Variants in POLD3 observed in about 807,000 individuals in gnomAD.
The protein encoded by POLD3 is DNA polymerase delta subunit 3.
POLD3 carries 19 observed loss-of-function variants against 58.2 expected under a neutral mutation model. The observed-to-expected ratio is 0.33, with a 90% confidence interval of 0.23 to 0.48. POLD3 has a LOEUF of 0.48. Ranked by LOEUF, POLD3 falls within the 20% of genes least tolerant of loss-of-function variation. The probability of loss-of-function intolerance (pLI) is 0.99; values close to 1 mark genes in which losing one functional copy is unlikely to be tolerated. For missense variants in POLD3, 504 were observed against 545.5 expected (o/e 0.92, Z 0.76); for synonymous variants, 172 against 193.5 (o/e 0.89, Z 0.92).
At chr11:74,612,198 G>T (rs1012737958) in intron 4 of POLD3, among the ~76,000 whole-genome samples, 2 of 152,276 alleles carry the variant, frequency 1.3e-5, no homozygotes, top group East Asian at 3.9e-4. Flanking sequence ...TAGGGTGGGG[G>T]TATTTTACCA....
rs756447855 is a variant in POLD3 at position 74,629,347 on chromosome 11, G to A, written c.1006+24G>A. Reference sequence around the variant, plus strand: ...AGGTGGGCATTACCATTCATTTTGGGTTAGGGGGATCAATTTTACTTTCAA... The same window carrying A: ...AGGTGGGCATTACCATTCATTTTGGATTAGGGGGATCAATTTTACTTTCAA... On this transcript the variant is annotated intron_variant, in intron 9 of 11. Coordinates refer to ENST00000263681, the MANE Select transcript of POLD3 (RefSeq NM_006591.3). 7 of 1,346,110 alleles carry A rather than the reference G, an allele frequency of 5.2e-6. No individual in the cohort carries two copies. In the East Asian group the frequency reaches 9.6e-5, roughly 18 times the overall value. 83.4% of individuals were successfully genotyped at this position (1,346,110 alleles called of 1,614,324 possible). A position where few individuals can be genotyped will look rare whatever the true frequency, so the allele number is the denominator to read the frequency against.
chr11:74,665,954 G>A (rs1221902772), intron 4 of POLD3, among the ~76,000 whole-genome samples: 1 of 152,170 alleles, frequency 6.6e-6, no homozygotes, highest in Non-Finnish European at 1.5e-5. Flanking sequence ...AAAGGAAGAA[G>A]TACAACTATT....
In POLD3 at chr11:74,634,620, A is replaced by C. The variant is rs2032693825; in HGVS notation, c.1044A>C (p.Ser348=). The C allele has an allele frequency of 6.2e-7, 1 of 1,612,804 alleles. No homozygotes were observed. Among genetic ancestry groups the C allele is most frequent in the African/African-American group, 1.3e-5 (1 of 75,006 alleles). Residue 348 remains serine, a synonymous_variant, in exon 10 of 12, where the codon TCA becomes TCC. Coordinates refer to ENST00000263681, the MANE Select transcript of POLD3 (RefSeq NM_006591.3). ...CTCCTGGGGCTTATGAAGCTGAGTC[A>C]CCATCCCCACCTCCTCCTCCGTCTC... ...PDSPGAYEAE[S]PSPPPPPSPP... is the part of the protein sequence containing the mutation.
At chr11:74,626,612 C>T (rs766736921) in intron 8 of POLD3, among the ~76,000 whole-genome samples, 3 of 152,184 alleles carry the variant, frequency 2.0e-5, no homozygotes, top group South Asian at 2.1e-4. Context: ...TTATATATTG[C>T]TGGATTAGAT....
Position 74,640,965 on chromosome 11 carries a change from T to C in POLD3, c.*199T>C, listed in dbSNP as rs2032898639. 2 of 1,266,660 alleles carry C rather than the reference T, an allele frequency of 1.6e-6. No homozygotes were observed. Among genetic ancestry groups the C allele is most frequent in the Admixed American group, 4.0e-5 (1 of 24,854 alleles). The allele number at this position is 1,266,660 out of a possible 1,614,324, so 78.5% of individuals were successfully genotyped here. A position where few individuals can be genotyped will look rare whatever the true frequency, so the allele number is the denominator to read the frequency against. On this transcript the variant is annotated 3_prime_UTR_variant, in exon 12 of 12. Transcript: ENST00000263681. ...TCTGGAAGCAGGAGGCAAAAAGCTG[T>C]TACCTTCTAATGACATTTAAAAAGC...
intron 4 of POLD3, among the ~76,000 whole-genome samples, chr11:74,666,195 T>A (rs558150341): frequency 1.3e-5 from 2 of 152,356 alleles, no homozygotes; most frequent in South Asian, 4.1e-4. Flanking sequence ...TACAACGAAG[T>A]GCAAAGCTTA....
intron 4 of POLD3, among the ~76,000 whole-genome samples, chr11:74,666,307 A>G (rs1385398483): frequency 1.3e-5 from 2 of 152,186 alleles, no homozygotes; most frequent in African/African-American, 2.4e-5. Context: ...TTGTCAGGAA[A>G]TATCTTCTCA....
intron 11 of POLD3, among the ~76,000 whole-genome samples, chr11:74,638,853 G>A (rs1380783879): frequency 6.6e-6 from 1 of 152,156 alleles, no homozygotes; most frequent in Non-Finnish European, 1.5e-5. Flanking sequence ...TCTGGTGTGC[G>A]GAGCACAATT....
intron 8 of POLD3, chr11:74,628,802 G>A (rs1226362074): frequency 6.5e-6 from 1 of 153,268 alleles, no homozygotes; most frequent in Admixed American, 6.5e-5. Flanking sequence ...ATAGCCAGTG[G>A]TGTTTGCCAG....
At position 74,620,037 on chromosome 11, in the gene POLD3, G is replaced by A; in HGVS notation, c.681G>A (p.Lys227=). 2.5e-6 allele frequency: 4 copies of A among 1,613,866 alleles called. No homozygotes were observed. Among genetic ancestry groups the A allele is most frequent in the Non-Finnish European group, 3.4e-6 (4 of 1,179,754 alleles). The part of the protein sequence containing the change: ...EVTNASAAGN[K]APGKGNMMSN... The stretch of plus-strand genomic sequence containing the variant: ...TGTAGGCATCTGCAGCAGGCAACAA[G>A]GCACCAGGGAAAGGGAATATGATGA... The change falls in exon 7 of 12, where the codon AAG becomes AAA. Residue 227 remains lysine, a synonymous_variant. Coordinates refer to ENST00000263681, the MANE Select transcript of POLD3 (RefSeq NM_006591.3).
At chr11:74,629,690 G>A (rs961496365) in intron 9 of POLD3, among the ~76,000 whole-genome samples, 6 of 151,382 alleles carry the variant, frequency 4.0e-5, no homozygotes, top group Non-Finnish European at 5.9e-5. Flanking sequence ...ACTGGTGGTG[G>A]TCCACACAGG....
At chr11:74,605,332 G>A (rs1591292763) in intron 3 of POLD3, among the ~76,000 whole-genome samples, 1 of 152,220 alleles carries the variant, frequency 6.6e-6, no homozygotes, top group South Asian at 2.1e-4. Context: ...TGGCAACACA[G>A]GTGACTGCTG....
chr11:74,618,423 C>G (rs1293194224), intron 5 of POLD3, 114 bp from the exon 6 acceptor site: 4 of 733,970 alleles, frequency 5.4e-6, no homozygotes, highest in Non-Finnish European at 9.1e-6. Flanking sequence ...GTGGAAGAAG[C>G]AAGAGTTTGA....
At chr11:74,660,352 G>A (rs2033190177) in intron 4 of POLD3, among the ~76,000 whole-genome samples, 1 of 152,214 alleles carries the variant, frequency 6.6e-6, no homozygotes, top group South Asian at 2.1e-4. Context: ...TCTAGGTTTT[G>A]GAAGTTCTCT....
At chr11:74,631,964 G>T (rs368725072) in intron 9 of POLD3, among the ~76,000 whole-genome samples, 23 of 152,022 alleles carry the variant, frequency 1.5e-4, no homozygotes, top group East Asian at 1.4e-3. Context: ...CCCCTGCGGG[G>T]TCATAAGCAC....
rs1317769974 is a variant in POLD3, at chr11:74,633,185, A to G, written c.1007-1398A>G. 2.0e-5 allele frequency among the ~76,000 whole-genome samples: 3 copies of G among 152,276 alleles called. 1 individual carries two copies. Among genetic ancestry groups the G allele is most frequent in the South Asian group, 4.1e-4 (2 of 4,824 alleles). On this transcript the variant is annotated intron_variant, in intron 9 of 11. Coordinates refer to ENST00000263681, the MANE Select transcript of POLD3 (RefSeq NM_006591.3). Reference sequence around the variant, plus strand: ...TCATTGCCTAAATTTTCCTCCTCCCATTATAACACATCTACCATTGTGGCC... The same window carrying G: ...TCATTGCCTAAATTTTCCTCCTCCCGTTATAACACATCTACCATTGTGGCC...
chr11:74,645,062 C>T (rs2032982014), downstream of POLD3, among the ~76,000 whole-genome samples: 1 of 152,164 alleles, frequency 6.6e-6, no homozygotes, highest in African/African-American at 2.4e-5. Flanking sequence ...ACAAGACAAA[C>T]ATACTAAATA....
At chr11:74,659,402 G>A (rs2033178503) in intron 4 of POLD3, among the ~76,000 whole-genome samples, 1 of 152,156 alleles carries the variant, frequency 6.6e-6, no homozygotes, top group Admixed American at 6.5e-5. Context: ...TTTTCCCCAT[G>A]GTCTTGGGGA....
At chr11:74,655,607 A>G (rs1036458913) in intron 4 of POLD3, among the ~76,000 whole-genome samples, 1 of 152,168 alleles carries the variant, frequency 6.6e-6, no homozygotes, top group Non-Finnish European at 1.5e-5. Flanking sequence ...TCAAGCATGC[A>G]TAGAAGACAA....
Sources: gnomAD v4.1 joint callset for allele counts (sites outside exome capture counted in the v4.1 genomes callset) on GRCh38, gnomAD v4.1.1 for gene constraint, MANE v1.5 for transcripts, NCBI Gene and HGNC (gene_info 2026-07-23, HGNC 2026-07-21) for gene names.